Variants in ATP8A2 observed in about 807,000 individuals in gnomAD.
The protein encoded by ATP8A2 is ATPase phospholipid transporting 8A2.
A neutral mutation model predicts 165.6 loss-of-function variants in ATP8A2; 100 were observed. The observed-to-expected ratio is 0.60, with a 90% CI of 0.51 to 0.71. The LOEUF (loss-of-function observed/expected upper bound fraction) is 0.71. Among genes scored for constraint, ATP8A2 ranks in the 30% least tolerant of loss-of-function variants. The probability of loss-of-function intolerance (pLI) is 0.00; values close to 1 mark genes in which losing one functional copy is unlikely to be tolerated. For synonymous variants in ATP8A2, 543 were observed against 548.8 expected (o/e 0.99, Z 0.15); for missense variants, 1,227 against 1,479.5 (o/e 0.83, Z 2.80).
intron 1 of ATP8A2, among the ~76,000 whole-genome samples, chr13:25,424,740 C>T (rs1281345536): frequency 6.6e-6 from 1 of 152,124 alleles, no homozygotes; most frequent in African/African-American, 2.4e-5. Context: ...GGCAGATCAC[C>T]TGAGGTTGGG....
rs150896455 is a variant in ATP8A2, at chr13:25,658,167, A to C, written c.2212-41006A>C. Among the ~76,000 whole-genome samples the C allele has an allele frequency of 5.1e-3, 774 of 152,338 alleles. 4 individuals are homozygous for C. The highest frequency in any genetic ancestry group is 0.017 in the African/African-American group (711 of 41,568). ...GAACTCCTGATTGATTGCCTCAGCTAACAGATATTTGGCTGTCACTAAAAA... is the reference window on the plus strand; with the variant it reads ...GAACTCCTGATTGATTGCCTCAGCTCACAGATATTTGGCTGTCACTAAAAA... On this transcript the variant is annotated intron_variant, in intron 24 of 36. Coordinates refer to ENST00000381655, the MANE Select transcript of ATP8A2 (RefSeq NM_016529.6).
chr13:25,378,863 C>G (rs1248656170), intron 1 of ATP8A2, among the ~76,000 whole-genome samples: 1 of 152,166 alleles, frequency 6.6e-6, no homozygotes, highest in Non-Finnish European at 1.5e-5. Flanking sequence ...GCTGTGAGAA[C>G]AAAGATAATA....
rs746601582 is a variant in ATP8A2, at chr13:25,589,684, G to A, written c.2196G>A (p.Lys732=). 3 of 1,609,312 alleles carry A rather than the reference G, an allele frequency of 1.9e-6. No homozygotes were observed. The highest frequency in any genetic ancestry group is 1.1e-5 in the South Asian group (1 of 90,696). The change falls in exon 24 of 37, where the codon AAG becomes AAA. Residue 732 remains lysine, a synonymous_variant. Transcript: ENST00000381655. ...VSQNMALILL[K]EDSLDATRAA... ...AGAATATGGCCCTTATCCTATTGAA[G>A]GAGGACTCTTTGGATGTAAGTAGTT...
intron 27 of ATP8A2, among the ~76,000 whole-genome samples, chr13:25,806,919 T>C (rs1266899318): frequency 6.6e-6 from 1 of 152,178 alleles, no homozygotes; most frequent in Non-Finnish European, 1.5e-5. Flanking sequence ...TCCATTTCCA[T>C]GATGAGTAAG....
intron 1 of ATP8A2, among the ~76,000 whole-genome samples, chr13:25,412,087 C>G (rs1274036709): frequency 6.6e-6 from 1 of 152,138 alleles, no homozygotes; most frequent in African/African-American, 2.4e-5. Context: ...ACTTTGTAAA[C>G]AGAAAGTTCC....
chr13:25,573,105 C>T lies in ATP8A2; in HGVS notation c.1662+1413C>T, dbSNP rs141298202. ...AAGTACTGATTGAATATAGAATTTCCCGTACAGAAGCTTTTTTAAAAATGA... is the reference window on the plus strand; with the variant it reads ...AAGTACTGATTGAATATAGAATTTCTCGTACAGAAGCTTTTTTAAAAATGA... On this transcript the variant is annotated intron_variant, in intron 18 of 36. Coordinates refer to ENST00000381655, the MANE Select transcript of ATP8A2 (RefSeq NM_016529.6). Among the ~76,000 whole-genome samples the T allele has an allele frequency of 7.4e-4, 113 of 152,210 alleles. 1 individual carries two copies. The highest frequency in any genetic ancestry group is 2.5e-3 in the African/African-American group (105 of 41,526).
intron 28 of ATP8A2, among the ~76,000 whole-genome samples, chr13:25,831,640 C>T (rs564604014): frequency 4.1e-4 from 63 of 152,102 alleles, no homozygotes; most frequent in African/African-American, 1.4e-3. Flanking sequence ...GTCAAGAGTT[C>T]GAGACCAGCC....
intron 27 of ATP8A2, among the ~76,000 whole-genome samples, chr13:25,802,888 C>T (rs189284263): frequency 5.1e-4 from 77 of 151,540 alleles, no homozygotes; most frequent in African/African-American, 1.6e-3. Context: ...ATGAAATATG[C>T]GCACAGAAAA....
chr13:25,630,084 C>A (rs571206887), intron 24 of ATP8A2, among the ~76,000 whole-genome samples: 5 of 123,310 alleles, frequency 4.1e-5, no homozygotes, highest in South Asian at 2.8e-4. Context: ...TTTGTCCCCC[C>A]CCCACCACCA....
intron 24 of ATP8A2, among the ~76,000 whole-genome samples, chr13:25,642,937 A>G (rs532350409): frequency 6.6e-6 from 1 of 152,288 alleles, no homozygotes; most frequent in African/African-American, 2.4e-5. Flanking sequence ...GCTGGAAACC[A>G]TTATTCTCAG....
At chr13:25,591,359 A>G (rs1380987244) in intron 24 of ATP8A2, 2 of 456,546 alleles carry the variant, frequency 4.4e-6, no homozygotes, top group Non-Finnish European at 8.8e-6. Context: ...TTGTGTCTCT[A>G]TGAATTTCAC....
intron 2 of ATP8A2, among the ~76,000 whole-genome samples, chr13:25,481,669 G>A (rs9581355): frequency 0.085 from 12,880 of 152,210 alleles, 883 homozygotes; most frequent in African/African-American, 0.18. Context: ...GCAGGTGTTC[G>A]TCTTCTCATA....
chr13:25,843,903 G>A (rs535939437), intron 30 of ATP8A2, among the ~76,000 whole-genome samples: 1 of 152,256 alleles, frequency 6.6e-6, no homozygotes, highest in East Asian at 1.9e-4. Context: ...ACTAACACCT[G>A]GCGGAGGGGG....
chr13:25,577,191 T>C lies in ATP8A2; in HGVS notation c.1782+53T>C, dbSNP rs142246079. On this transcript the variant is annotated intron_variant, in intron 20 of 36. Transcript: ENST00000381655. ...GCGGAGTTCTTGGCAGCTTTGTTAA[T>C]CTGCCGCTTTTCCTAACTGCTTTCC... 393 of 1,432,344 alleles carry C rather than the reference T, an allele frequency of 2.7e-4. 2 individuals are homozygous for C. In the African/African-American group the frequency reaches 4.3e-3, roughly 16 times the overall value. 88.7% of individuals were successfully genotyped at this position (1,432,344 alleles called of 1,614,324 possible).
intron 1 of ATP8A2, among the ~76,000 whole-genome samples, chr13:25,431,297 C>T (rs1003454932): frequency 5.3e-5 from 8 of 152,182 alleles, no homozygotes; most frequent in East Asian, 3.9e-4. Flanking sequence ...TAGAGGCATG[C>T]GCCACGATGC....
intron 2 of ATP8A2, among the ~76,000 whole-genome samples, chr13:25,523,864 G>T (rs572389344): frequency 4.6e-5 from 7 of 151,652 alleles, no homozygotes; most frequent in Admixed American, 4.6e-4. Flanking sequence ...TTTTATTTCT[G>T]CTCTTACCTT....
At position 25,859,400 on chromosome 13, in the gene ATP8A2, A is replaced by G. The variant is rs375762357; in HGVS notation, c.2957-795A>G. ...AGTTGAAAGAAATAAGAATAAAGGA[A>G]GGTTGGCAGTGTCATCCAAGGAAAC... On this transcript the variant is annotated intron_variant, in intron 30 of 36. Transcript: ENST00000381655. Among the ~76,000 whole-genome samples, 18 of 152,220 alleles carry G rather than the reference A, an allele frequency of 1.2e-4. 1 individual carries two copies. In the South Asian group the frequency reaches 3.1e-3, roughly 26 times the overall value.
intron 35 of ATP8A2, among the ~76,000 whole-genome samples, chr13:25,995,489 A>C (rs934916085): frequency 7.9e-5 from 12 of 151,694 alleles, no homozygotes; most frequent in Non-Finnish European, 1.3e-4. Context: ...CACAAATTGT[A>C]ATGTATTTTC....
At chr13:25,833,216 G>T (rs574056029) in intron 28 of ATP8A2, among the ~76,000 whole-genome samples, 1 of 151,966 alleles carries the variant, frequency 6.6e-6, no homozygotes, top group East Asian at 1.9e-4. Context: ...AAATGGAAAA[G>T]CATACTATTT....
Sources: allele counts gnomAD v4.1 joint callset (sites outside exome capture counted in the v4.1 genomes callset), GRCh38; gene constraint gnomAD v4.1.1; transcripts MANE v1.5; gene names NCBI Gene and HGNC (gene_info 2026-07-23, HGNC 2026-07-21).